Variants in ZFP1 observed in about 807,000 individuals in gnomAD.
The protein encoded by ZFP1 is ZFP1 zinc finger protein.
A neutral mutation model predicts 38.5 loss-of-function variants in ZFP1; 32 were observed. The observed-to-expected ratio is 0.83, with a 90% CI of 0.63 to 1.12. The LOEUF is 1.12. ZFP1 is among the 50% of genes most tolerant of loss of function. The pLI is 0.00. For missense variants in ZFP1, 616 were observed against 480.8 expected, an observed-to-expected ratio of 1.28 and a Z score of -2.63; for synonymous variants, 245 against 168.8, an observed-to-expected ratio of 1.45 and a Z score of -3.50.
intron 2 of ZFP1, among the ~76,000 whole-genome samples, chr16:75,164,612 A>G (rs2037963179): frequency 6.6e-6 from 1 of 152,074 alleles, no homozygotes; most frequent in Non-Finnish European, 1.5e-5. Context: ...TCTATTATGT[A>G]CTAGTCATCA....
intron 2 of ZFP1, among the ~76,000 whole-genome samples, chr16:75,155,077 G>C (rs968000550): frequency 1.3e-5 from 2 of 152,140 alleles, no homozygotes; most frequent in South Asian, 2.1e-4. Context: ...GATTACAAGC[G>C]TAAGTCACTG....
At chr16:75,152,649 G>A (rs138370298) in intron 1 of ZFP1, among the ~76,000 whole-genome samples, 200 of 152,346 alleles carry the variant, frequency 1.3e-3, no homozygotes, top group African/African-American at 4.4e-3. Flanking sequence ...AATTTCAGCA[G>A]TTGAGGGTTC....
rs1478742435 is a variant in ZFP1 at position 75,170,473 on chromosome 16, A to C, written c.*139A>C. 3.2e-6 allele frequency: 4 copies of C among 1,256,200 alleles called. No individual in the cohort carries two copies. The highest frequency in any genetic ancestry group is 4.2e-6 in the Non-Finnish European group (4 of 955,678). 77.8% of individuals were successfully genotyped at this position (1,256,200 alleles called of 1,614,324 possible). On this transcript the variant is annotated 3_prime_UTR_variant, in exon 4 of 4. Coordinates refer to ENST00000570010, the MANE Select transcript of ZFP1 (RefSeq NM_153688.4). ...AACTCAAAAATGTATTAAAAATAGG[A>C]TCCCATGAGAACATTATACTGGAAG...
chr16:75,163,046 A>T (rs1010572617), intron 2 of ZFP1, among the ~76,000 whole-genome samples: 4 of 151,634 alleles, frequency 2.6e-5, no homozygotes, highest in African/African-American at 9.7e-5. Context: ...AGTAGCTGGG[A>T]TTACATGCGC....
chr16:75,138,024 C>CT, the ZFP1 span, among the ~76,000 whole-genome samples: 918 of 64,954 alleles, frequency 0.014, 202 homozygotes, highest in African/African-American at 0.058. Context: ...CTCCCACTTC[C>CT]TTTTTTTTTT....
At chr16:75,133,935 G>A in the ZFP1 span, among the ~76,000 whole-genome samples, 3 of 152,204 alleles carry the variant, frequency 2.0e-5, no homozygotes, top group African/African-American at 7.2e-5. Flanking sequence ...TGTAGCCCCA[G>A]CTACTTGGGA....
the ZFP1 span, among the ~76,000 whole-genome samples, chr16:75,137,493 C>T: frequency 1.5e-4 from 16 of 104,496 alleles, no homozygotes; most frequent in African/African-American, 5.5e-4. Context: ...GACCAAGTCT[C>T]GCTCTGTCCC....
the ZFP1 span, among the ~76,000 whole-genome samples, chr16:75,137,543 C>T: frequency 1.4e-5 from 1 of 71,738 alleles, no homozygotes; most frequent in African/African-American, 3.9e-5. Context: ...TCACTGCAAG[C>T]TCCGCCTCCT....
chr16:75,166,701 A>G, intron 2 of ZFP1, 69 bp from the exon 3 acceptor site: 12 of 1,598,908 alleles, frequency 7.5e-6, no homozygotes, highest in Non-Finnish European at 1.0e-5. Flanking sequence ...GAATGACATA[A>G]AGTTTTCATC....
the ZFP1 span, among the ~76,000 whole-genome samples, chr16:75,136,973 G>T: frequency 1.3e-5 from 2 of 152,100 alleles, no homozygotes; most frequent in African/African-American, 4.8e-5. Flanking sequence ...CAGCCAAGGG[G>T]TCCTAAAAAT....
the ZFP1 span, among the ~76,000 whole-genome samples, chr16:75,141,263 T>C: frequency 2.3e-5 from 3 of 132,162 alleles, no homozygotes; most frequent in South Asian, 2.6e-4. Context: ...AGTGCAGTGG[T>C]GCAATCTCGG....
At chr16:75,165,247 C>T (rs866073677) in intron 2 of ZFP1, among the ~76,000 whole-genome samples, 5 of 152,280 alleles carry the variant, frequency 3.3e-5, no homozygotes, top group Middle Eastern at 3.4e-3. Flanking sequence ...TAGTTAGTTA[C>T]TTACTTGACC....
chr16:75,147,528 C>T (rs1279706247), upstream of ZFP1, among the ~76,000 whole-genome samples: 4 of 150,938 alleles, frequency 2.7e-5, no homozygotes, highest in African/African-American at 9.8e-5. Context: ...CTCAAGCAAT[C>T]TGCTTGCCTC....
At chr16:75,159,056 C>G (rs963341505) in intron 2 of ZFP1, among the ~76,000 whole-genome samples, 1 of 151,814 alleles carries the variant, frequency 6.6e-6, no homozygotes, top group Non-Finnish European at 1.5e-5. Context: ...GTCATTATGC[C>G]CAGCTAATTT....
chr16:75,164,168 C>T (rs574376389), intron 2 of ZFP1, among the ~76,000 whole-genome samples: 2 of 152,100 alleles, frequency 1.3e-5, no homozygotes, highest in South Asian at 2.1e-4. Flanking sequence ...TTAGCTGGAT[C>T]ATTGAAGTTT....
At position 75,166,910 on chromosome 16, in the gene ZFP1, T is replaced by C; in HGVS notation, c.142+14T>C. On this transcript the variant is annotated intron_variant, in intron 3 of 3. Transcript: ENST00000570010. ...TACTTTCAGTGGGTAAGGACGGTTTTCAGGTACAGCTCACCATGTGCCTAG... is the reference window on the plus strand; with the variant it reads ...TACTTTCAGTGGGTAAGGACGGTTTCCAGGTACAGCTCACCATGTGCCTAG... 2 of 1,611,936 alleles carry C rather than the reference T, an allele frequency of 1.2e-6. No individual in the cohort carries two copies. Among genetic ancestry groups the C allele is most frequent in the Non-Finnish European group, 8.5e-7 (1 of 1,178,470 alleles).
At chr16:75,122,215 C>T in the ZFP1 span, among the ~76,000 whole-genome samples, 1 of 152,222 alleles carries the variant, frequency 6.6e-6, no homozygotes, top group African/African-American at 2.4e-5. Context: ...CAGGTAGCCC[C>T]TACTGCTGTG....
chr16:75,163,408 T>G (rs1403156603), intron 2 of ZFP1, among the ~76,000 whole-genome samples: 1 of 151,348 alleles, frequency 6.6e-6, no homozygotes, highest in African/African-American at 2.4e-5. Context: ...GCCTCCCGGG[T>G]TCAAGCAATT....
rs1349902040 is a variant in ZFP1 at position 75,171,016 on chromosome 16, A to G, written c.*682A>G. The G allele has an allele frequency of 1.4e-4, 2 of 14,750 alleles. No individual in the cohort carries two copies. The highest frequency in any genetic ancestry group is 6.8e-4 in the Non-Finnish European group (2 of 2,958). The allele number at this position is 14,750 out of a possible 1,614,324, so 0.9% of individuals were successfully genotyped here. ...ATTTTCTAGAAGCACTATTTACACA[A>G]ATATGCAAATGTGAAATAACCGATC... On this transcript the variant is annotated 3_prime_UTR_variant, in exon 4 of 4. Coordinates refer to ENST00000570010, the MANE Select transcript of ZFP1 (RefSeq NM_153688.4).
Sources: gnomAD v4.1 joint callset for allele counts (sites outside exome capture counted in the v4.1 genomes callset) on GRCh38, gnomAD v4.1.1 for gene constraint, MANE v1.5 for transcripts, NCBI Gene and HGNC (gene_info 2026-07-23, HGNC 2026-07-21) for gene names.